Variants in FOXJ1 observed in about 807,000 individuals in gnomAD.
FOXJ1 encodes forkhead box J1, also known as forkhead box protein J1.
Under a neutral mutation model 29.3 loss-of-function variants are expected in FOXJ1, and 8 were observed. The observed-to-expected ratio is 0.27, with a 90% CI of 0.16 to 0.49. The LOEUF is 0.49. Among genes scored for constraint, FOXJ1 ranks in the 20% least tolerant of loss-of-function variants. FOXJ1 has a pLI of 0.98. For synonymous variants in FOXJ1, 280 were observed against 278.7 expected, an observed-to-expected ratio of 1.00 and a Z score of -0.05; for missense variants, 539 against 595.5, an observed-to-expected ratio of 0.91 and a Z score of 0.99.
chr17:76,138,593 C>T (rs1356427541), intron 2 of FOXJ1, among the ~76,000 whole-genome samples: 1 of 151,952 alleles, frequency 6.6e-6, no homozygotes, highest in Admixed American at 6.6e-5. Flanking sequence ...AGAGAGAGCG[C>T]GCAGGGATGA....
chr17:76,138,555 C>A (rs1278647825), intron 2 of FOXJ1, among the ~76,000 whole-genome samples: 2 of 151,596 alleles, frequency 1.3e-5, no homozygotes, highest in Admixed American at 6.6e-5. Context: ...GGCTGGGCAG[C>A]CGAGAGTGGA....
chr17:76,137,338 G>A lies in FOXJ1; in HGVS notation c.*15C>T. ...GACTTGGGCACTGTCCAGAGGTGGGGCAGGGCCTGGCCTCTTACAAGAAGG... is the reference window on the plus strand; with the variant it reads ...GACTTGGGCACTGTCCAGAGGTGGGACAGGGCCTGGCCTCTTACAAGAAGG... On this transcript the variant is annotated 3_prime_UTR_variant, in exon 3 of 3. Transcript: ENST00000322957. This position sits in a 1 kb window ranked among gnomAD's most constrained non-coding sequence, Gnocchi z 9.5. The A allele has an allele frequency of 1.4e-6, 2 of 1,469,668 alleles. No homozygotes were observed. The highest frequency in any genetic ancestry group is 1.8e-6 in the Non-Finnish European group (2 of 1,112,462). 91.0% of individuals were successfully genotyped at this position (1,469,668 alleles called of 1,614,324 possible).
At position 76,137,435 on chromosome 17, in the gene FOXJ1, G is replaced by A. The variant is rs1323297624; in HGVS notation, c.1184C>T (p.Pro395Leu). Residue 395 changes from proline to leucine, a missense_variant, in exon 3 of 3, where the codon CCC (proline) becomes CTC (leucine). By Grantham distance (98) the Pro-to-Leu change is moderately conservative. Transcript: ENST00000322957. The surrounding 1 kb of genome is among the most constrained non-coding windows in gnomAD (Gnocchi z 9.5). The stretch of plus-strand genomic sequence containing the variant: ...CCCAGCCTCAAAGAGGGGCTCCGGG[G>A]GCAGGCAGCCACTGCCGCTCTCGTC... ...PWDESGSGCL[P>L]PEPLFEAGDA... is the part of the protein sequence containing the mutation. The A allele has an allele frequency of 2.6e-6, 4 of 1,546,298 alleles. No homozygotes were observed. The highest frequency in any genetic ancestry group is 1.2e-5 in the South Asian group (1 of 84,380).
chr17:76,137,193 T>C lies in FOXJ1; in HGVS notation c.*160A>G. On this transcript the variant is annotated 3_prime_UTR_variant, in exon 3 of 3. Transcript: ENST00000322957. The surrounding 1 kb of genome is among the most constrained non-coding windows in gnomAD (Gnocchi z 9.5). ...GTTTTCAGCCTCCTGGGCTTGAATC[T>C]GATGGCAGCTGGGGCTGGTGGCCAT... is the stretch of plus-strand genomic sequence containing the variant. The C allele has an allele frequency of 1.7e-6, 1 of 599,854 alleles. No individual in the cohort carries two copies. The highest frequency in any genetic ancestry group is 2.6e-6 in the Non-Finnish European group (1 of 377,966). 37.2% of individuals were successfully genotyped at this position (599,854 alleles called of 1,614,324 possible).
rs1352395567 is a variant in FOXJ1 at position 76,136,478 on chromosome 17, CG to C, written c.*874del. ...TGGAGCAAGGCACGCCCCACGCCCC[CG>C]AGGAGTGCAGGCAGGGGCGTGGGGT... On this transcript the variant is annotated 3_prime_UTR_variant, in exon 3 of 3. Coordinates refer to ENST00000322957, the MANE Select transcript of FOXJ1 (RefSeq NM_001454.4). The surrounding 1 kb of genome is among the most constrained non-coding windows in gnomAD (Gnocchi z 4.9). The C allele has an allele frequency of 2.6e-5, 4 of 152,242 alleles. No individual in the cohort carries two copies. Among genetic ancestry groups the C allele is most frequent in the African/African-American group, 9.6e-5 (4 of 41,512 alleles). The allele number at this position is 152,242 out of a possible 1,614,324, so 9.4% of individuals were successfully genotyped here.
At position 76,139,862 on chromosome 17, in the gene FOXJ1, T is replaced by G. The variant is rs762064493; in HGVS notation, c.498+36A>C. On this transcript the variant is annotated intron_variant, in intron 2 of 2. Transcript: ENST00000322957. This position sits in a 1 kb window ranked among gnomAD's most constrained non-coding sequence, Gnocchi z 6.6. ...TGCAGCGTGGGGAGCGAGGAGGGAA[T>G]GGGGAGGGAGCGGCCGCCGCCCGTG... 7 of 1,558,608 alleles carry G rather than the reference T, an allele frequency of 4.5e-6. No homozygotes were observed. The highest frequency in any genetic ancestry group is 6.1e-6 in the Non-Finnish European group (7 of 1,151,678).
In FOXJ1 at chr17:76,140,566, TG is replaced by T; in HGVS notation, c.-169-3del. On this transcript the variant is annotated splice_polypyrimidine_tract_variant and splice_region_variant and intron_variant, in intron 1 of 2. Coordinates refer to ENST00000322957, the MANE Select transcript of FOXJ1 (RefSeq NM_001454.4). The surrounding 1 kb of genome is among the most constrained non-coding windows in gnomAD (Gnocchi z 8.0). ...CTCCTCCGAATAAGTATGTGGTGCCTGCGAGGACCACGGTGGGAGCTGAGCA... is the reference window on the plus strand; with the variant it reads ...CTCCTCCGAATAAGTATGTGGTGCCTCGAGGACCACGGTGGGAGCTGAGCA... 3.5e-6 allele frequency: 2 copies of T among 566,564 alleles called. No individual in the cohort carries two copies. The highest frequency in any genetic ancestry group is 5.9e-6 in the Non-Finnish European group (2 of 340,758). The allele number at this position is 566,564 out of a possible 1,614,324, so 35.1% of individuals were successfully genotyped here. A position where few individuals can be genotyped will look rare whatever the true frequency, so the allele number is the denominator to read the frequency against.
rs749050370 is a variant in FOXJ1, at chr17:76,137,667, C to T, written c.952G>A (p.Gly318Ser). Reference sequence around the variant, plus strand: ...GCACCCAGCTCCCCGCCCAGAGTGCCGGCGTCGAAGATGGCCTCCCAGTCA... The same window carrying T: ...GCACCCAGCTCCCCGCCCAGAGTGCTGGCGTCGAAGATGGCCTCCCAGTCA... Reference protein sequence around the residue: ...NFDWEAIFDAGTLGGELGALE... With the variant: ...NFDWEAIFDASTLGGELGALE... Residue 318 changes from glycine (G) to serine (S), a missense_variant, in exon 3 of 3, where the codon GGC becomes AGC. By Grantham distance (56) the Gly-to-Ser change is moderately conservative. Transcript: ENST00000322957. The surrounding 1 kb of genome is among the most constrained non-coding windows in gnomAD (Gnocchi z 9.5). The T allele has an allele frequency of 6.8e-6, 11 of 1,612,060 alleles. No homozygotes were observed. The highest frequency in any genetic ancestry group is 2.2e-5 in the South Asian group (2 of 90,882).
In FOXJ1 at chr17:76,140,974, G is replaced by A. The variant is rs963356510; in HGVS notation, c.-170+140C>T. 1.3e-5 allele frequency: 2 copies of A among 152,328 alleles called. No individual in the cohort carries two copies. Among genetic ancestry groups the A allele is most frequent in the African/African-American group, 4.8e-5 (2 of 41,420 alleles). The allele number at this position is 152,328 out of a possible 1,614,324, so 9.4% of individuals were successfully genotyped here. A position where few individuals can be genotyped will look rare whatever the true frequency, so the allele number is the denominator to read the frequency against. On this transcript the variant is annotated intron_variant, in intron 1 of 2. Coordinates refer to ENST00000322957, the MANE Select transcript of FOXJ1 (RefSeq NM_001454.4). The surrounding 1 kb of genome is among the most constrained non-coding windows in gnomAD (Gnocchi z 8.0). ...GGAAGGAAGGGGACGGAACAGTAAC[G>A]GGGGGCAGGAGGCGAGTTTCCCCCA...
At chr17:76,138,841 G>A (rs532294506) in intron 2 of FOXJ1, among the ~76,000 whole-genome samples, 1 of 152,290 alleles carries the variant, frequency 6.6e-6, no homozygotes, top group South Asian at 2.1e-4. Context: ...CCTGCTCTAG[G>A]GTCAGGGGCA....
Position 76,140,860 on chromosome 17 carries a change from G to C in FOXJ1, c.-170+254C>G, listed in dbSNP as rs1033762679. On this transcript the variant is annotated intron_variant, in intron 1 of 2. Coordinates refer to ENST00000322957, the MANE Select transcript of FOXJ1 (RefSeq NM_001454.4). This position sits in a 1 kb window ranked among gnomAD's most constrained non-coding sequence, Gnocchi z 8.0. ...CCTCCTCGCAACAAATGGAAGTGGGGCGAGAAGTTTGGGAGGGCGGTACGA... is the reference window on the plus strand; with the variant it reads ...CCTCCTCGCAACAAATGGAAGTGGGCCGAGAAGTTTGGGAGGGCGGTACGA... Among the ~76,000 whole-genome samples, 1 of 152,134 alleles carries C rather than the reference G, an allele frequency of 6.6e-6. No homozygotes were observed. The highest frequency in any genetic ancestry group is 2.4e-5 in the African/African-American group (1 of 41,424).
chr17:76,137,910 G>A lies in FOXJ1; in HGVS notation c.709C>T (p.Arg237Trp), dbSNP rs370307858. ...QAAQEPSAVP[R>W]AGPLTVNTEA... is the part of the protein sequence containing the mutation. ...GTATTCACCGTCAGCGGCCCGGCCCGGGGGACAGCGCTGGGCTCCTGCGCG... is the reference window on the plus strand; with the variant it reads ...GTATTCACCGTCAGCGGCCCGGCCCAGGGGACAGCGCTGGGCTCCTGCGCG... The change falls in exon 3 of 3, where the codon CGG becomes TGG. Residue 237 changes from arginine (R) to tryptophan (W), a missense_variant. Transcript: ENST00000322957. The surrounding 1 kb of genome is among the most constrained non-coding windows in gnomAD (Gnocchi z 9.5). 5.1e-6 allele frequency: 8 copies of A among 1,564,668 alleles called. No homozygotes were observed. The highest frequency in any genetic ancestry group is 2.3e-5 in the East Asian group (1 of 43,136).
In FOXJ1 at chr17:76,137,667, C is replaced by A. The variant is rs749050370; in HGVS notation, c.952G>T (p.Gly318Cys). Residue 318 changes from glycine (G) to cysteine (C), a missense_variant, in exon 3 of 3, where the codon GGC (glycine) becomes TGC (cysteine). By Grantham distance (159) the Gly-to-Cys change is radical. Transcript: ENST00000322957. The surrounding 1 kb of genome is among the most constrained non-coding windows in gnomAD (Gnocchi z 9.5). Reference protein sequence around the residue: ...NFDWEAIFDAGTLGGELGALE... With the variant: ...NFDWEAIFDACTLGGELGALE... ...GCACCCAGCTCCCCGCCCAGAGTGC[C>A]GGCGTCGAAGATGGCCTCCCAGTCA... 2 of 1,612,060 alleles carry A rather than the reference C, an allele frequency of 1.2e-6. No homozygotes were observed. Among genetic ancestry groups the A allele is most frequent in the Non-Finnish European group, 1.7e-6 (2 of 1,179,526 alleles).
rs140238645 is a variant in FOXJ1 at position 76,140,065 on chromosome 17, C to G, written c.331G>C (p.Asp111His). 4.4e-6 allele frequency: 7 copies of G among 1,607,664 alleles called. No individual in the cohort carries two copies. In the Admixed American group the frequency reaches 1.2e-4, roughly 27 times the overall value. Residue 111 changes from aspartate (D) to histidine (H), a missense_variant, in exon 2 of 3, where the codon GAC (aspartate) becomes CAC (histidine). This residue lies in a region of FOXJ1 where 178 missense variants were observed against 254.4 expected (regional missense o/e 0.70). Coordinates refer to ENST00000322957, the MANE Select transcript of FOXJ1 (RefSeq NM_001454.4). This position sits in a 1 kb window ranked among gnomAD's most constrained non-coding sequence, Gnocchi z 8.0. ...TGCGGATTGGTGGCGTAGTCCACGT[C>G]GTCGGGGGGTGGGGCCTGCAGCCCC... ...PPGLQAPPPDDVDYATNPHVK... is the reference protein window; with the variant it reads ...PPGLQAPPPDHVDYATNPHVK...
rs975207311 is a variant in FOXJ1 at position 76,137,380 on chromosome 17, G to C, written c.1239C>G (p.Asp413Glu). 2.0e-6 allele frequency: 3 copies of C among 1,516,916 alleles called. No individual in the cohort carries two copies. The highest frequency in any genetic ancestry group is 4.1e-5 in the Admixed American group (2 of 49,350). 94.0% of individuals were successfully genotyped at this position (1,516,916 alleles called of 1,614,324 possible). The change falls in exon 3 of 3, where the codon GAC becomes GAG. Residue 413 changes from aspartate to glutamate, a missense_variant. Coordinates refer to ENST00000322957, the MANE Select transcript of FOXJ1 (RefSeq NM_001454.4). This position sits in a 1 kb window ranked among gnomAD's most constrained non-coding sequence, Gnocchi z 9.5. ...GDATLASDLQ[D>E]WASVGAFL ...ACAAGAAGGCCCCCACGCTGGCCCA[G>C]TCCTGCAGGTCGGAGGCCAGGGTGG... is the stretch of plus-strand genomic sequence containing the variant.
At position 76,140,602 on chromosome 17, in the gene FOXJ1, C is replaced by T. The variant is rs1652306352; in HGVS notation, c.-169-38G>A. ...CGGTGGGAGCTGAGCACTACCCCAC[C>T]CCCGAGGGGACAGTGTGTGTACGGG... is the stretch of plus-strand genomic sequence containing the variant. On this transcript the variant is annotated intron_variant, in intron 1 of 2. Coordinates refer to ENST00000322957, the MANE Select transcript of FOXJ1 (RefSeq NM_001454.4). The surrounding 1 kb of genome is among the most constrained non-coding windows in gnomAD (Gnocchi z 8.0). The T allele has an allele frequency of 2.0e-6, 1 of 507,258 alleles. No individual in the cohort carries two copies. The highest frequency in any genetic ancestry group is 4.2e-5 in the Admixed American group (1 of 23,802). The allele number at this position is 507,258 out of a possible 1,614,324, so 31.4% of individuals were successfully genotyped here.
chr17:76,140,448 G>T lies in FOXJ1; in HGVS notation c.-53C>A. On this transcript the variant is annotated 5_prime_UTR_variant, in exon 2 of 3. Coordinates refer to ENST00000322957, the MANE Select transcript of FOXJ1 (RefSeq NM_001454.4). The surrounding 1 kb of genome is among the most constrained non-coding windows in gnomAD (Gnocchi z 8.0). ...TCAGCATCCACGGGCTGAGCCGGGG[G>T]TGGCCCGCCGCGCTCTCTGGCCCGC... The T allele has an allele frequency of 7.3e-7, 1 of 1,366,130 alleles. No individual in the cohort carries two copies. Among genetic ancestry groups the T allele is most frequent in the Non-Finnish European group, 9.4e-7 (1 of 1,064,578 alleles). 84.6% of individuals were successfully genotyped at this position (1,366,130 alleles called of 1,614,324 possible). A position where few individuals can be genotyped will look rare whatever the true frequency, so the allele number is the denominator to read the frequency against.
rs1470937569 is a variant in FOXJ1 at position 76,140,574 on chromosome 17, C to T, written c.-169-10G>A. The T allele has an allele frequency of 1.8e-6, 1 of 554,768 alleles. No homozygotes were observed. 34.4% of individuals were successfully genotyped at this position (554,768 alleles called of 1,614,324 possible). A position where few individuals can be genotyped will look rare whatever the true frequency, so the allele number is the denominator to read the frequency against. On this transcript the variant is annotated splice_polypyrimidine_tract_variant and intron_variant, in intron 1 of 2. Coordinates refer to ENST00000322957, the MANE Select transcript of FOXJ1 (RefSeq NM_001454.4). This position sits in a 1 kb window ranked among gnomAD's most constrained non-coding sequence, Gnocchi z 8.0. ...AATAAGTATGTGGTGCCTGCGAGGA[C>T]CACGGTGGGAGCTGAGCACTACCCC...
chr17:76,140,028 G>T lies in FOXJ1; in HGVS notation c.368C>A (p.Pro123His). 1 of 1,612,978 alleles carries T rather than the reference G, an allele frequency of 6.2e-7. No homozygotes were observed. Among genetic ancestry groups the T allele is most frequent in the Non-Finnish European group, 8.5e-7 (1 of 1,179,972 alleles). Reference sequence around the variant, plus strand: ...GCAGATGAGCGTGGCATACGAGTAGGGAGGCTTCACGTGCGGATTGGTGGC... The same window carrying T: ...GCAGATGAGCGTGGCATACGAGTAGTGAGGCTTCACGTGCGGATTGGTGGC... ...DYATNPHVKP[P>H]YSYATLICMA... Residue 123 changes from proline to histidine, a missense_variant, in exon 2 of 3, where the codon CCC becomes CAC. Physicochemically the swap from Pro to His is moderately conservative, Grantham distance 77. This residue lies in a region of FOXJ1 where 178 missense variants were observed against 254.4 expected (regional missense o/e 0.70). Coordinates refer to ENST00000322957, the MANE Select transcript of FOXJ1 (RefSeq NM_001454.4). The surrounding 1 kb of genome is among the most constrained non-coding windows in gnomAD (Gnocchi z 8.0).
Sources: gnomAD v4.1 joint callset for allele counts (sites outside exome capture counted in the v4.1 genomes callset) on GRCh38, gnomAD v4.1.1 for gene constraint, gnomAD v4.1.1 regional missense constraint, Gnocchi (gnomAD v3.1) non-coding constraint, MANE v1.5 for transcripts, NCBI Gene and HGNC (gene_info 2026-07-23, HGNC 2026-07-21) for gene names.